SNTG1: variants seen among roughly 807,000 people sequenced by gnomAD.
SNTG1 encodes the protein syntrophin gamma 1.
In SNTG1, 39 loss-of-function variants were observed where a neutral mutation model predicts 74.7. That is an observed-to-expected ratio of 0.52 (90% CI 0.40 to 0.68). The LOEUF (loss-of-function observed/expected upper bound fraction) is 0.68, where lower values mean the gene tolerates loss of function less well. Among genes scored for constraint, SNTG1 ranks in the 30% least tolerant of loss-of-function variants. The pLI is 0.00. For missense variants in SNTG1, 685 were observed against 609.5 expected (o/e 1.12, Z -1.30); for synonymous variants, 254 against 217.1 (o/e 1.17, Z -1.49).
chr8:50,321,454 C>T (rs1021816078), intron 2 of SNTG1, among the ~76,000 whole-genome samples: 1 of 152,036 alleles, frequency 6.6e-6, no homozygotes, highest in African/African-American at 2.4e-5. Flanking sequence ...TTGTAGGCAA[C>T]AGATTATTGG....
chr8:50,751,160 T>C (rs1028249807), intron 17 of SNTG1, among the ~76,000 whole-genome samples: 25 of 152,064 alleles, frequency 1.6e-4, no homozygotes, highest in Admixed American at 1.6e-3. Context: ...GAGATAAAGG[T>C]ATGCTAAGAT....
intron 1 of SNTG1, among the ~76,000 whole-genome samples, chr8:49,961,065 C>A (rs904576489): frequency 1.7e-4 from 26 of 152,080 alleles, no homozygotes; most frequent in African/African-American, 6.3e-4. Context: ...CTGGCTTGGG[C>A]AAGAATAAAA....
At chr8:50,620,292 C>A (rs947831606) in intron 13 of SNTG1, among the ~76,000 whole-genome samples, 1 of 152,134 alleles carries the variant, frequency 6.6e-6, no homozygotes, top group Non-Finnish European at 1.5e-5. Context: ...TTAATCTCTG[C>A]TCATTTTTCT....
intron 12 of SNTG1, among the ~76,000 whole-genome samples, chr8:50,555,641 A>G (rs117425712): frequency 0.022 from 3,301 of 152,274 alleles, 51 homozygotes; most frequent in Middle Eastern, 0.034. Flanking sequence ...ATAGGCTTGT[A>G]TAAGTCTGAC....
At chr8:50,203,748 ATGTG>A (rs780823502) in intron 2 of SNTG1, among the ~76,000 whole-genome samples, 25 of 151,500 alleles carry the variant, frequency 1.7e-4, no homozygotes, top group African/African-American at 5.8e-4. Context: ...AGAATTAAAT[ATGTG>A]TGTGTGTGTT....
intron 15 of SNTG1, among the ~76,000 whole-genome samples, chr8:50,682,580 A>G (rs2131395500): frequency 6.6e-6 from 1 of 152,302 alleles, no homozygotes; most frequent in East Asian, 1.9e-4. Context: ...CCTTGAAGAG[A>G]AACTTGGAGT....
intron 2 of SNTG1, among the ~76,000 whole-genome samples, chr8:50,381,645 T>TATAG (rs1288067056): frequency 1.1e-4 from 8 of 70,696 alleles, no homozygotes; most frequent in African/African-American, 3.6e-4. Flanking sequence ...ATTAGTTATA[T>TATAG]ATATATATAT....
chr8:49,972,098 C>T (rs1585717877), intron 1 of SNTG1, among the ~76,000 whole-genome samples: 2 of 152,256 alleles, frequency 1.3e-5, no homozygotes, highest in African/African-American at 4.8e-5. Context: ...AGGCATCATG[C>T]TACCTGACTT....
intron 8 of SNTG1, among the ~76,000 whole-genome samples, chr8:50,492,232 G>T (rs2093863081): frequency 1.3e-5 from 2 of 152,134 alleles, no homozygotes; most frequent in South Asian, 4.1e-4. Context: ...ATAATTTATA[G>T]TCCTTTGGGT....
At chr8:50,637,866 A>AATAGTG (rs1554595841) in intron 13 of SNTG1, among the ~76,000 whole-genome samples, 1 of 152,132 alleles carries the variant, frequency 6.6e-6, no homozygotes, top group Non-Finnish European at 1.5e-5. Context: ...TTAAACATCA[A>AATAGTG]ATAGTGTAAT....
intron 13 of SNTG1, among the ~76,000 whole-genome samples, chr8:50,592,076 C>A (rs969042306): frequency 6.6e-6 from 1 of 152,144 alleles, no homozygotes; most frequent in Non-Finnish European, 1.5e-5. Context: ...ATCTTGAGAA[C>A]TGCAGATAAG....
chr8:50,669,329 A>C (rs1018073947), intron 15 of SNTG1, among the ~76,000 whole-genome samples: 3 of 152,150 alleles, frequency 2.0e-5, no homozygotes, highest in Non-Finnish European at 4.4e-5. Flanking sequence ...GAAGAATCAA[A>C]TAGACGCAAT....
intron 2 of SNTG1, among the ~76,000 whole-genome samples, chr8:50,208,042 A>G (rs1024672104): frequency 3.9e-5 from 6 of 152,100 alleles, no homozygotes; most frequent in Admixed American, 6.6e-5. Context: ...TGTATATTCT[A>G]TTGGTTTGGG....
chr8:50,307,663 T>A (rs1414136191), intron 2 of SNTG1, among the ~76,000 whole-genome samples: 1 of 152,176 alleles, frequency 6.6e-6, no homozygotes, highest in East Asian at 1.9e-4. Context: ...AAACATTAGG[T>A]CATAATTTTC....
At chr8:50,406,944 C>T (rs1311450361) in intron 4 of SNTG1, among the ~76,000 whole-genome samples, 1 of 152,116 alleles carries the variant, frequency 6.6e-6, no homozygotes, top group Non-Finnish European at 1.5e-5. Context: ...GAGAAAGTAG[C>T]ACACTGTACT....
intron 18 of SNTG1, among the ~76,000 whole-genome samples, chr8:50,753,444 G>C (rs184186892): frequency 1.3e-5 from 2 of 151,926 alleles, no homozygotes; most frequent in Admixed American, 1.3e-4. Flanking sequence ...TATTCTGATG[G>C]GGAACCTCAA....
chr8:50,744,043 C>G (rs1337466268), intron 17 of SNTG1, among the ~76,000 whole-genome samples: 5 of 151,862 alleles, frequency 3.3e-5, no homozygotes, highest in African/African-American at 1.2e-4. Context: ...TCACTTATTG[C>G]CAAGGGGATG....
At chr8:50,064,747 C>T (rs768278748) in intron 1 of SNTG1, among the ~76,000 whole-genome samples, 3 of 152,088 alleles carry the variant, frequency 2.0e-5, no homozygotes, top group African/African-American at 2.4e-5. Context: ...GGGCTCTGAC[C>T]GGACGTTTAC....
At chr8:50,645,203 AT>A (rs1401940034) in intron 13 of SNTG1, among the ~76,000 whole-genome samples, 1 of 68,068 alleles carries the variant, frequency 1.5e-5, no homozygotes, top group African/African-American at 7.0e-5. Context: ...TGTTTATTTT[AT>A]ATATGTTAAC....
Sources: gnomAD v4.1 joint callset for allele counts (sites outside exome capture counted in the v4.1 genomes callset) on GRCh38, gnomAD v4.1.1 for gene constraint, MANE v1.5 for transcripts, NCBI Gene and HGNC (gene_info 2026-07-23, HGNC 2026-07-21) for gene names.